Variants in MPND observed in about 807,000 individuals in gnomAD.
MPND encodes the protein MPN domain containing, also known as MPN domain-containing protein.
Under a neutral mutation model 59.2 loss-of-function variants are expected in MPND, and 56 were observed. The ratio of observed to expected loss-of-function variants is 0.95; its 90% CI spans 0.76 to 1.18. The LOEUF (loss-of-function observed/expected upper bound fraction) is 1.18, where lower values mean the gene tolerates loss of function less well. Among genes scored for constraint, MPND ranks in the 50% most tolerant of loss-of-function variants. The probability of loss-of-function intolerance (pLI) is 0.00; values close to 1 mark genes in which losing one functional copy is unlikely to be tolerated. For synonymous variants in MPND, 323 were observed against 291.9 expected, an observed-to-expected ratio of 1.11 and a Z score of -1.09; for missense variants, 671 against 676.0, an observed-to-expected ratio of 0.99 and a Z score of 0.08.
Position 4,343,756 on chromosome 19 carries a change from AGGAGGACGAGGACGAAGC to A in MPND, c.62_79del (p.Asp21_Glu26del), listed in dbSNP as rs1228341975. 7.5e-6 allele frequency: 9 copies of A among 1,206,254 alleles called. No individual in the cohort carries two copies. The highest frequency in any genetic ancestry group is 1.6e-5 in the African/African-American group (1 of 62,954). The allele number at this position is 1,206,254 out of a possible 1,614,324, so 74.7% of individuals were successfully genotyped here. On this transcript the variant is annotated inframe_deletion, in exon 2 of 13. Transcript: ENST00000599840. The stretch of plus-strand genomic sequence containing the variant: ...GGCGGTGCGGGCGAGGAGGCGCCGG[AGGAGGACGAGGACGAAGC>A]GGAGGCCGAGGACCCTGAGCGGCCG...
chr19:4,357,583 G>T lies in MPND; in HGVS notation c.1234G>T (p.Glu412Ter). 1 of 1,610,500 alleles carries T rather than the reference G, an allele frequency of 6.2e-7. No individual in the cohort carries two copies. The highest frequency in any genetic ancestry group is 1.7e-5 in the Admixed American group (1 of 59,500). Residue 412 changes from glutamate to a stop codon, truncating the protein, a stop_gained and splice_region_variant, in exon 10 of 13, where the codon GAG becomes TAG. Coordinates refer to ENST00000599840, the MANE Select transcript of MPND (RefSeq NM_001300862.2). LOFTEE classifies it high-confidence loss of function. ...ACCTTTCTGGGTGATGCCTCCTCCC[G>T]AGGTAGGTGGGGCTGTTGGGAGAGC... is the stretch of plus-strand genomic sequence containing the variant. ...ISPFWVMPPP[E>*]QRPSDYGIPM... is the part of the protein sequence containing the mutation.
chr19:4,358,314 C>T (rs2144841311), intron 11 of MPND, 142 bp downstream of exon 11: 1 of 714,324 alleles, frequency 1.4e-6, no homozygotes, highest in East Asian at 2.7e-5. Context: ...TCTTCCATCA[C>T]TCAGGACAGA....
rs534597197 is a variant in MPND, at chr19:4,355,128, G to C, written c.951G>C (p.Arg317=). 6 of 1,613,624 alleles carry C rather than the reference G, an allele frequency of 3.7e-6. No individual in the cohort carries two copies. Among genetic ancestry groups the C allele is most frequent in the African/African-American group, 2.7e-5 (2 of 74,902 alleles). The change falls in exon 8 of 13, where the codon CGG becomes CGC. Residue 317 remains arginine, a synonymous_variant. Transcript: ENST00000599840. ...CGGTGCTCAGAGCCTTCCCTTGTCG[G>C]AGCCGGCTCGGGGACGCAGAGACTG... ...MLTVLRAFPC[R]SRLGDAETAA... is the part of the protein sequence containing the mutation.
chr19:4,354,909 A>G, intron 6 of MPND, 40 bp from the exon 7 acceptor site: 1 of 1,546,228 alleles, frequency 6.5e-7, no homozygotes, highest in Non-Finnish European at 8.8e-7. Flanking sequence ...GGGCAGGGCC[A>G]CAGCCTGAGC....
At position 4,354,946 on chromosome 19, in the gene MPND, C is replaced by T. The variant is rs781059163; in HGVS notation, c.847-3C>T. On this transcript the variant is annotated splice_polypyrimidine_tract_variant and splice_region_variant and intron_variant, in intron 6 of 12. Transcript: ENST00000599840. ...AGTCTTTTGCTGTTCCTCCCTTCCC[C>T]AGGACTTCCACAGTCACCTGACACG... 9.5e-6 allele frequency: 15 copies of T among 1,585,192 alleles called. No homozygotes were observed. The highest frequency in any genetic ancestry group is 1.7e-4 in the Middle Eastern group (1 of 5,956).
At position 4,355,130 on chromosome 19, in the gene MPND, G is replaced by C; in HGVS notation, c.953G>C (p.Ser318Thr). 6.2e-7 allele frequency: 1 copy of C among 1,613,710 alleles called. No individual in the cohort carries two copies. The highest frequency in any genetic ancestry group is 1.1e-5 in the South Asian group (1 of 91,070). ...LTVLRAFPCRSRLGDAETAAA... is the reference protein window; with the variant it reads ...LTVLRAFPCRTRLGDAETAAA... ...GTGCTCAGAGCCTTCCCTTGTCGGA[G>C]CCGGCTCGGGGACGCAGAGACTGCA... Residue 318 changes from serine to threonine, a missense_variant, in exon 8 of 13, where the codon AGC (serine) becomes ACC (threonine). Transcript: ENST00000599840.
chr19:4,345,611 C>T, intron 2 of MPND, 134 bp from the exon 3 acceptor site: 1 of 775,982 alleles, frequency 1.3e-6, no homozygotes, highest in South Asian at 1.7e-5. Flanking sequence ...GGAGGCCCTG[C>T]AGCCGGCCTG....
chr19:4,356,477 T>G (rs1202564855), intron 8 of MPND, among the ~76,000 whole-genome samples: 2 of 152,076 alleles, frequency 1.3e-5, no homozygotes, highest in African/African-American at 4.8e-5. Flanking sequence ...TCCAGGAGGT[T>G]GAGGCTTCAG....
intron 7 of MPND, 38 bp downstream of exon 7, chr19:4,355,059 G>A: frequency 6.2e-7 from 1 of 1,612,992 alleles, no homozygotes; most frequent in Non-Finnish European, 8.5e-7. Context: ...GGCGTTGGAG[G>A]ACCGGGGTCA....
chr19:4,355,947 G>A (rs1406850674), intron 8 of MPND, among the ~76,000 whole-genome samples: 4 of 149,504 alleles, frequency 2.7e-5, no homozygotes, highest in Non-Finnish European at 5.9e-5. Context: ...TCCACCTTCC[G>A]GATTCAAGTG....
chr19:4,353,985 C>A, intron 4 of MPND, 60 bp from the exon 5 acceptor site: 1 of 1,458,022 alleles, frequency 6.9e-7, no homozygotes. Flanking sequence ...CACCCAGTGG[C>A]CACCTAATTT....
rs574702454 is a variant in MPND, at chr19:4,352,047, A to G, written c.532-850A>G. Among the ~76,000 whole-genome samples, 46 of 149,082 alleles carry G rather than the reference A, an allele frequency of 3.1e-4. 1 individual carries two copies. In the East Asian group the frequency reaches 9.1e-3, roughly 29 times the overall value. ...AATTAGCCAGGCATGGTGGTGGGCA[A>G]CTGTACTCCCAGCTACTCAGGAGGC... is the stretch of plus-strand genomic sequence containing the variant. On this transcript the variant is annotated intron_variant, in intron 3 of 12. Transcript: ENST00000599840.
At chr19:4,354,641 G>T in intron 6 of MPND, 1 of 598,094 alleles carries the variant, frequency 1.7e-6, no homozygotes, top group Admixed American at 3.0e-5. Context: ...CTGAGGCAGC[G>T]GGTCACCTGA....
chr19:4,352,702 A>C (rs1300467705), intron 3 of MPND, among the ~76,000 whole-genome samples, 195 bp from the exon 4 acceptor site: 1 of 129,926 alleles, frequency 7.7e-6, no homozygotes, highest in Non-Finnish European at 1.6e-5. Flanking sequence ...ATAAATAAAA[A>C]ATAAATTACA....
At chr19:4,355,501 A>T (rs1972418895) in intron 8 of MPND, among the ~76,000 whole-genome samples, 1 of 151,936 alleles carries the variant, frequency 6.6e-6, no homozygotes, top group Non-Finnish European at 1.5e-5. Context: ...ACGCCCAGCT[A>T]ATTTTTTGTG....
intron 2 of MPND, 73 bp from the exon 3 acceptor site, chr19:4,345,672 T>G: frequency 7.0e-7 from 1 of 1,438,274 alleles, no homozygotes; most frequent in African/African-American, 1.4e-5. Flanking sequence ...AGCGTAGGTC[T>G]GGGGAGGACC....
Position 4,343,705 on chromosome 19 carries a change from C to T in MPND, c.8-3C>T, listed in dbSNP as rs1972119983. The T allele has an allele frequency of 8.3e-7, 1 of 1,200,884 alleles. No homozygotes were observed. Among genetic ancestry groups the T allele is most frequent in the East Asian group, 3.5e-5 (1 of 28,416 alleles). 74.4% of individuals were successfully genotyped at this position (1,200,884 alleles called of 1,614,324 possible). On this transcript the variant is annotated splice_region_variant and splice_polypyrimidine_tract_variant and intron_variant, in intron 1 of 12. Transcript: ENST00000599840. ...CCTCCCTGCAGCCTCTCGCTGTCCG[C>T]AGCTCCGGAGCCGCTGTCCCCGGCG... is the stretch of plus-strand genomic sequence containing the variant.
Position 4,357,497 on chromosome 19 carries a change from C to T in MPND, c.1166-18C>T. The T allele has an allele frequency of 6.2e-7, 1 of 1,612,180 alleles. No individual in the cohort carries two copies. The stretch of plus-strand genomic sequence containing the variant: ...GCCGAGCCTCCCAGGGCCAACCCCT[C>T]TCCCTCTCTCCCGCCAGCCCCTTAC... On this transcript the variant is annotated intron_variant, in intron 9 of 12. Coordinates refer to ENST00000599840, the MANE Select transcript of MPND (RefSeq NM_001300862.2).
intron 3 of MPND, among the ~76,000 whole-genome samples, chr19:4,350,743 A>G (rs1051664481): frequency 7.2e-5 from 11 of 152,140 alleles, no homozygotes; most frequent in Admixed American, 2.6e-4. Context: ...ACATGGAGAC[A>G]TAGAGAGGCA....
Sources: gnomAD v4.1 joint callset for allele counts (sites outside exome capture counted in the v4.1 genomes callset) on GRCh38, gnomAD v4.1.1 for gene constraint, MANE v1.5 for transcripts, NCBI Gene and HGNC (gene_info 2026-07-23, HGNC 2026-07-21) for gene names.